Variants in PRKN observed in about 807,000 individuals in gnomAD.
PRKN encodes the protein parkin RBR E3 ubiquitin protein ligase.
PRKN carries 56 observed loss-of-function variants against 59.5 expected under a neutral mutation model. The observed-to-expected ratio is 0.94, with a 90% CI of 0.76 to 1.18. The LOEUF is 1.18. Ranked by LOEUF, PRKN falls within the 50% of genes most tolerant of loss-of-function variation. PRKN has a pLI of 0.00. For missense variants in PRKN, 657 were observed against 596.4 expected, an observed-to-expected ratio of 1.10 and a Z score of -1.06; for synonymous variants, 250 against 222.1, an observed-to-expected ratio of 1.13 and a Z score of -1.12.
At chr6:161,951,654 G>A (rs1322782642) in intron 6 of PRKN, among the ~76,000 whole-genome samples, 2 of 152,180 alleles carry the variant, frequency 1.3e-5, no homozygotes, top group Non-Finnish European at 2.9e-5. Flanking sequence ...AGTGGCTCAC[G>A]CCTGTTATCC....
chr6:161,865,760 T>C (rs1354765593), intron 6 of PRKN, among the ~76,000 whole-genome samples: 2 of 152,224 alleles, frequency 1.3e-5, no homozygotes, highest in Non-Finnish European at 2.9e-5. Context: ...TGGTTTGATC[T>C]ATCCAGACCA....
intron 6 of PRKN, among the ~76,000 whole-genome samples, chr6:161,941,724 T>C (rs558496901): frequency 6.6e-6 from 1 of 152,240 alleles, no homozygotes; most frequent in South Asian, 2.1e-4. Context: ...GCCCTGTCTG[T>C]ATGCTCCCCT....
intron 2 of PRKN, among the ~76,000 whole-genome samples, chr6:162,314,022 T>A (rs1583361774): frequency 1.3e-5 from 2 of 152,304 alleles, no homozygotes; most frequent in East Asian, 3.9e-4. Flanking sequence ...AACAACTCAA[T>A]GAGTCATCAG....
intron 6 of PRKN, among the ~76,000 whole-genome samples, chr6:161,804,593 G>A (rs1273616169): frequency 2.6e-5 from 4 of 152,202 alleles, no homozygotes; most frequent in Non-Finnish European, 4.4e-5. Flanking sequence ...CTGGTGTATT[G>A]AAGAGATTTG....
chr6:161,650,473 T>C (rs1784111549), intron 7 of PRKN, among the ~76,000 whole-genome samples: 1 of 152,126 alleles, frequency 6.6e-6, no homozygotes, highest in Non-Finnish European at 1.5e-5. Flanking sequence ...CAAACTTGTG[T>C]CACCAGAAAT....
intron 6 of PRKN, among the ~76,000 whole-genome samples, chr6:161,847,871 A>T (rs1006355825): frequency 3.9e-5 from 6 of 152,204 alleles, no homozygotes; most frequent in Admixed American, 1.3e-4. Context: ...GAAGAAATAC[A>T]GAATGGAAAC....
At chr6:161,455,664 G>C (rs1382426105) in intron 9 of PRKN, among the ~76,000 whole-genome samples, 2 of 151,932 alleles carry the variant, frequency 1.3e-5, no homozygotes, top group African/African-American at 4.8e-5. Context: ...AGGAGACCGA[G>C]ACCATCTTGG....
chr6:161,981,497 T>G (rs1781255727), intron 5 of PRKN, among the ~76,000 whole-genome samples: 1 of 151,980 alleles, frequency 6.6e-6, no homozygotes, highest in Non-Finnish European at 1.5e-5. Context: ...AAGGGCAACA[T>G]AGCAAGACCC....
intron 1 of PRKN, among the ~76,000 whole-genome samples, chr6:162,693,660 G>C (rs1289120455): frequency 6.6e-6 from 1 of 152,118 alleles, no homozygotes; most frequent in African/African-American, 2.4e-5. Context: ...AGAAACTTGG[G>C]TTATGGGCAC....
In PRKN at chr6:161,463,072, T is replaced by G. The variant is rs145300660; in HGVS notation, c.1084-76195A>C. Among the ~76,000 whole-genome samples the G allele has an allele frequency of 6.6e-6, 1 of 152,144 alleles. No individual in the cohort carries two copies. Among genetic ancestry groups the G allele is most frequent in the Non-Finnish European group, 1.5e-5 (1 of 67,962 alleles). ...ACTAAATAGAGAAAAAACTACCTAA[T>G]GAGAATTATGGGTGACTGAGCACCA... On this transcript the variant is annotated intron_variant, in intron 9 of 11. Coordinates refer to ENST00000366898, the MANE Select transcript of PRKN (RefSeq NM_004562.3). This position sits in a 1 kb window ranked among gnomAD's most constrained non-coding sequence, Gnocchi z 4.8.
chr6:161,645,025 G>A (rs1276351577), intron 7 of PRKN, among the ~76,000 whole-genome samples: 2 of 151,978 alleles, frequency 1.3e-5, no homozygotes, highest in African/African-American at 4.8e-5. Context: ...GAGTAGAATT[G>A]GTTAGATTTT....
intron 1 of PRKN, among the ~76,000 whole-genome samples, chr6:162,515,391 T>C (rs1280065579): frequency 1.3e-5 from 2 of 151,930 alleles, no homozygotes; most frequent in African/African-American, 4.8e-5. Flanking sequence ...TGACAACTTA[T>C]TGTTACTTCT....
At chr6:162,055,281 A>G (rs921400987) in intron 4 of PRKN, among the ~76,000 whole-genome samples, 3 of 152,072 alleles carry the variant, frequency 2.0e-5, no homozygotes, top group Non-Finnish European at 4.4e-5. Flanking sequence ...GAAAGTTCAG[A>G]CCATCTACTT....
intron 7 of PRKN, among the ~76,000 whole-genome samples, chr6:161,596,152 G>A (rs577932672): frequency 6.6e-6 from 1 of 152,214 alleles, no homozygotes; most frequent in East Asian, 1.9e-4. Flanking sequence ...TCATTTTTGT[G>A]TTTCGACACA....
chr6:161,552,834 C>T lies in PRKN; in HGVS notation c.934-3831G>A, dbSNP rs567264081. 6.1e-5 allele frequency among the ~76,000 whole-genome samples: 9 copies of T among 148,340 alleles called. No individual in the cohort carries two copies. In the South Asian group the frequency reaches 6.4e-4, roughly 11 times the overall value. On this transcript the variant is annotated intron_variant, in intron 8 of 11. Coordinates refer to ENST00000366898, the MANE Select transcript of PRKN (RefSeq NM_004562.3). The surrounding 1 kb of genome is among the most constrained non-coding windows in gnomAD (Gnocchi z 4.9). ...TTTTAGACGGAGTCTCGTTGTTACGCGGCTGGAGTACAGTGGCGCAATCTC... is the reference window on the plus strand; with the variant it reads ...TTTTAGACGGAGTCTCGTTGTTACGTGGCTGGAGTACAGTGGCGCAATCTC...
chr6:161,770,460 AT>A (rs1789617873), intron 7 of PRKN, among the ~76,000 whole-genome samples: 1 of 66,752 alleles, frequency 1.5e-5, no homozygotes, highest in Non-Finnish European at 3.7e-5. Context: ...GCCTTTATTT[AT>A]TTATTTATTT....
chr6:161,522,052 G>A (rs941748277), intron 9 of PRKN, among the ~76,000 whole-genome samples: 9 of 152,232 alleles, frequency 5.9e-5, no homozygotes, highest in African/African-American at 2.2e-4. Flanking sequence ...TGTGGACGGC[G>A]AATATTGATG....
At chr6:161,366,969 G>T (rs1237235109) in intron 10 of PRKN, among the ~76,000 whole-genome samples, 10 of 134,576 alleles carry the variant, frequency 7.4e-5, no homozygotes, top group East Asian at 2.1e-4. Flanking sequence ...GTTTTTTGGG[G>T]TTTTTTTGTT....
At chr6:161,806,408 C>A (rs1791325085) in intron 6 of PRKN, among the ~76,000 whole-genome samples, 1 of 152,228 alleles carries the variant, frequency 6.6e-6, no homozygotes, top group African/African-American at 2.4e-5. Context: ...CCTTTCCCAA[C>A]TCATACTGAA....
Sources: allele counts gnomAD v4.1 joint callset (sites outside exome capture counted in the v4.1 genomes callset), GRCh38; gene constraint gnomAD v4.1.1; non-coding constraint Gnocchi (gnomAD v3.1); transcripts MANE v1.5; gene names NCBI Gene and HGNC (gene_info 2026-07-23, HGNC 2026-07-21).